TANGO2: variants seen among roughly 807,000 people sequenced by gnomAD.
TANGO2 encodes transport and golgi organization 2 homolog, also known as transport and Golgi organization protein 2 homolog.
Under a neutral mutation model 39.1 loss-of-function variants are expected in TANGO2, and 26 were observed. That is an observed-to-expected ratio of 0.67 (90% confidence interval 0.49 to 0.92). The LOEUF is 0.92. TANGO2 is among the 40% of genes least tolerant of loss of function. The pLI is 0.00. For missense variants in TANGO2, 326 were observed against 360.1 expected (o/e 0.91, Z 0.77); for synonymous variants, 131 against 144.5 (o/e 0.91, Z 0.67).
intron 2 of TANGO2, among the ~76,000 whole-genome samples, chr22:20,041,178 G>A (rs970917037): frequency 2.6e-5 from 4 of 152,210 alleles, no homozygotes; most frequent in African/African-American, 4.8e-5. Context: ...ATGGAGTTTC[G>A]TTCTGTCGCC....
chr22:20,048,840 T>C (rs781536845), intron 3 of TANGO2, among the ~76,000 whole-genome samples: 10 of 152,098 alleles, frequency 6.6e-5, no homozygotes, highest in Non-Finnish European at 1.3e-4. Flanking sequence ...AGAGATGGGG[T>C]TTCACCATGT....
At chr22:20,052,622 G>T in intron 4 of TANGO2, 38 bp downstream of exon 4, 1 of 1,545,356 alleles carries the variant, frequency 6.5e-7, no homozygotes, top group African/African-American at 1.4e-5. Flanking sequence ...GAGACAGGGT[G>T]GGGTGGGGCA....
chr22:20,036,008 T>A (rs2042781327), intron 1 of TANGO2, among the ~76,000 whole-genome samples: 1 of 152,172 alleles, frequency 6.6e-6, no homozygotes, highest in Non-Finnish European at 1.5e-5. Context: ...AAGTTCAGTC[T>A]AAGCTGAAAG....
At chr22:20,061,285 C>G in intron 6 of TANGO2, 1 of 419,416 alleles carries the variant, frequency 2.4e-6, no homozygotes, top group South Asian at 5.1e-5. Context: ...GGCTGCTGGG[C>G]ATCTGTGCCT....
rs1384756149 is a variant in TANGO2 at position 20,030,510 on chromosome 22, C to T, written c.-39-6250C>T. On this transcript the variant is annotated intron_variant, in intron 1 of 8. Coordinates refer to ENST00000327374, the MANE Select transcript of TANGO2 (RefSeq NM_152906.7). ...TACAGGCGCCCGCCACCACGCCCGG[C>T]TAATTTTTGTATTTTTAGTAGAGAC... 5.3e-5 allele frequency among the ~76,000 whole-genome samples: 8 copies of T among 152,270 alleles called. No individual in the cohort carries two copies. The East Asian group carries it at 1.4e-3, about 26-fold the overall frequency.
intron 1 of TANGO2, among the ~76,000 whole-genome samples, chr22:20,034,426 A>T (rs1036290832): frequency 5.9e-5 from 9 of 152,250 alleles, no homozygotes; most frequent in Admixed American, 4.6e-4. Context: ...GTCTTTGAAA[A>T]ATGATTTTGA....
In TANGO2 at chr22:20,028,010, G is replaced by A. The variant is rs183331217; in HGVS notation, c.-40+6764G>A. ...GACCGGGTTTCACCGTGTTGGCCAG[G>A]CTGGTCTTGAATTCCTGACCTCAAA... is the stretch of plus-strand genomic sequence containing the variant. On this transcript the variant is annotated intron_variant, in intron 1 of 8. Coordinates refer to ENST00000327374, the MANE Select transcript of TANGO2 (RefSeq NM_152906.7). Among the ~76,000 whole-genome samples the A allele has an allele frequency of 2.6e-5, 4 of 152,212 alleles. No individual in the cohort carries two copies. In the East Asian group the frequency reaches 7.7e-4, roughly 29 times the overall value.
chr22:20,042,742 G>C (rs960641119), intron 2 of TANGO2, among the ~76,000 whole-genome samples: 6 of 152,144 alleles, frequency 3.9e-5, no homozygotes, highest in African/African-American at 1.4e-4. Flanking sequence ...TCTAGCCTGG[G>C]TGACACAGAG....
At position 20,064,892 on chromosome 22, in the gene TANGO2, C is replaced by T. The variant is rs567042041; in HGVS notation, c.*230C>T. Reference sequence around the variant, plus strand: ...CAGAGTCTGATACTAGGTCTAGGACCGGCCGAGGTATACCATGAACATGTG... The same window carrying T: ...CAGAGTCTGATACTAGGTCTAGGACTGGCCGAGGTATACCATGAACATGTG... On this transcript the variant is annotated 3_prime_UTR_variant, in exon 9 of 9. Transcript: ENST00000327374. 19 of 548,568 alleles carry T rather than the reference C, an allele frequency of 3.5e-5. No homozygotes were observed. Among genetic ancestry groups the T allele is most frequent in the Middle Eastern group, 4.9e-4 (1 of 2,042 alleles). 34.0% of individuals were successfully genotyped at this position (548,568 alleles called of 1,614,324 possible).
intron 1 of TANGO2, among the ~76,000 whole-genome samples, chr22:20,023,327 G>T (rs4819855): frequency 6.6e-6 from 1 of 151,886 alleles, no homozygotes. Flanking sequence ...CACTCAGGCC[G>T]CAGGGGCCGC....
Position 20,066,840 on chromosome 22 carries a change from C to T in TANGO2, c.*2178C>T, listed in dbSNP as rs1338159030. On this transcript the variant is annotated 3_prime_UTR_variant, in exon 9 of 9. Transcript: ENST00000327374. ...GGATGTTCACCTCTGCCCAGAGACC[C>T]GGCCTGCCCAGGAAGAGCAGTCTCT... 2.6e-5 allele frequency among the ~76,000 whole-genome samples: 4 copies of T among 152,140 alleles called. No individual in the cohort carries two copies. The highest frequency in any genetic ancestry group is 7.2e-5 in the African/African-American group (3 of 41,416).
chr22:20,063,414 T>C lies in TANGO2; in HGVS notation c.682T>C (p.Cys228Arg), dbSNP rs764300490. The C allele has an allele frequency of 6.2e-7, 1 of 1,613,152 alleles. No homozygotes were observed. The highest frequency in any genetic ancestry group is 1.3e-5 in the African/African-American group (1 of 74,942). The change falls in exon 8 of 9, where the codon TGC becomes CGC. Residue 228 changes from cysteine to arginine, a missense_variant. By Grantham distance (180) the Cys-to-Arg change is radical (BLOSUM62 -3). Coordinates refer to ENST00000327374, the MANE Select transcript of TANGO2 (RefSeq NM_152906.7). ...CATGCTGAGCAAGTACGCGGCTGTG[T>C]GCGTGCGCTGCCCTGGCTACGGCAC... is the stretch of plus-strand genomic sequence containing the variant. Reference protein sequence around the residue: ...QPMLSKYAAVCVRCPGYGTRT... With the variant: ...QPMLSKYAAVRVRCPGYGTRT...
intron 1 of TANGO2, among the ~76,000 whole-genome samples, chr22:20,031,553 G>T (rs2041874423): frequency 6.6e-6 from 1 of 152,208 alleles, no homozygotes; most frequent in African/African-American, 2.4e-5. Flanking sequence ...TGTCAGCCTG[G>T]GCTACATATC....
At chr22:20,058,655 A>AAC (rs1426179022) in intron 6 of TANGO2, among the ~76,000 whole-genome samples, 1 of 150,940 alleles carries the variant, frequency 6.6e-6, no homozygotes, top group Non-Finnish European at 1.5e-5. Flanking sequence ...AAAAAAAAAA[A>AAC]CAAAGAAAAA....
At chr22:20,020,538 G>A (rs1306618771), upstream of TANGO2, among the ~76,000 whole-genome samples, 1 of 152,090 alleles carries the variant, frequency 6.6e-6, no homozygotes, top group East Asian at 1.9e-4. Flanking sequence ...GGTGGTGGGT[G>A]TGCAGGGTAT....
chr22:20,031,184 C>T (rs547705293), intron 1 of TANGO2, among the ~76,000 whole-genome samples: 36 of 144,280 alleles, frequency 2.5e-4, no homozygotes, highest in Non-Finnish European at 3.4e-4. Context: ...GGTGACAGAT[C>T]GAGACTCTGT....
chr22:20,066,648 C>A lies in TANGO2; in HGVS notation c.*1986C>A, dbSNP rs140805111. The stretch of plus-strand genomic sequence containing the variant: ...CCCCAGGCCTGAGGAGAAACTGAGG[C>A]CCCACATCCCATACGTGTCCTCTGA... On this transcript the variant is annotated 3_prime_UTR_variant, in exon 9 of 9. Coordinates refer to ENST00000327374, the MANE Select transcript of TANGO2 (RefSeq NM_152906.7). Among the ~76,000 whole-genome samples, 1 of 152,272 alleles carries A rather than the reference C, an allele frequency of 6.6e-6. No homozygotes were observed. The highest frequency in any genetic ancestry group is 1.5e-5 in the Non-Finnish European group (1 of 67,994).
intron 5 of TANGO2, chr22:20,054,013 C>G (rs983422479): frequency 2.8e-5 from 9 of 322,974 alleles, no homozygotes; most frequent in African/African-American, 1.1e-4. Context: ...CCTCCTCCCC[C>G]TCCAAAGCCC....
intron 2 of TANGO2, among the ~76,000 whole-genome samples, chr22:20,042,012 T>C (rs2044051443): frequency 6.6e-6 from 1 of 151,638 alleles, no homozygotes. Flanking sequence ...GAGACAGGGC[T>C]TCTCTGTTCC....
Sources: allele counts gnomAD v4.1 joint callset (sites outside exome capture counted in the v4.1 genomes callset), GRCh38; gene constraint gnomAD v4.1.1; transcripts MANE v1.5; gene names NCBI Gene and HGNC (gene_info 2026-07-23, HGNC 2026-07-21).